Variants in LUC7L2 observed in about 807,000 individuals in gnomAD.
LUC7L2 encodes the protein LUC7 like 2, pre-mRNA splicing factor, also known as putative RNA-binding protein Luc7-like 2.
LUC7L2 carries 25 observed loss-of-function variants against 52.8 expected under a neutral mutation model. The ratio of observed to expected loss-of-function variants is 0.47; its 90% confidence interval spans 0.34 to 0.66. LUC7L2 has a LOEUF of 0.66. LUC7L2 is among the 30% of genes least tolerant of loss of function. The probability of loss-of-function intolerance (pLI) is 0.01; values close to 1 mark genes in which losing one functional copy is unlikely to be tolerated. For missense variants in LUC7L2, 328 were observed against 497.8 expected (o/e 0.66, Z 3.25); for synonymous variants, 144 against 160.9 (o/e 0.89, Z 0.80).
chr7:139,374,664 G>T, intron 1 of LUC7L2: 1 of 1,335,934 alleles, frequency 7.5e-7, no homozygotes, highest in Non-Finnish European at 9.6e-7. Context: ...GAACTGCTCT[G>T]AAGCTATCAT....
intron 2 of LUC7L2, among the ~76,000 whole-genome samples, chr7:139,391,766 TG>T (rs1184107579): frequency 3.3e-5 from 5 of 152,132 alleles, no homozygotes; most frequent in Non-Finnish European, 5.9e-5. Context: ...TTTATATTTT[TG>T]GTAGAGACGG....
Position 139,398,696 on chromosome 7 carries a change from A to G in LUC7L2, c.254A>G (p.Asp85Gly). 1 of 1,609,348 alleles carries G rather than the reference A, an allele frequency of 6.2e-7. No homozygotes were observed. Among genetic ancestry groups the G allele is most frequent in the Admixed American group, 1.7e-5 (1 of 58,830 alleles). ...GAACAAGATTTTTTCTTTGAACTTG[A>G]TGTATGTGATTTTGCTTTAATGGTT... ...SKEQDFFFELDAMDHLQSFIA... is the reference protein window; with the variant it reads ...SKEQDFFFELGAMDHLQSFIA... Residue 85 changes from aspartate (D) to glycine (G), a missense_variant and splice_region_variant, in exon 3 of 10, where the codon GAT becomes GGT. Physicochemically the swap from Asp to Gly is moderately conservative, Grantham distance 94. Around this residue, in one of 2 missense-constraint regions of LUC7L2, gnomAD observed 133 missense variants for 274.4 expected, o/e 0.48. Coordinates refer to ENST00000354926, the MANE Select transcript of LUC7L2 (RefSeq NM_016019.5).
intron 1 of LUC7L2, among the ~76,000 whole-genome samples, chr7:139,352,964 G>A (rs1198961107): frequency 6.6e-6 from 1 of 152,204 alleles, no homozygotes; most frequent in Non-Finnish European, 1.5e-5. Context: ...TTGGGAGGCT[G>A]AGGCAGGCAG....
chr7:139,396,408 A>G (rs993942615), intron 2 of LUC7L2, among the ~76,000 whole-genome samples: 4 of 152,098 alleles, frequency 2.6e-5, no homozygotes, highest in Non-Finnish European at 5.9e-5. Flanking sequence ...ATGCCACTAC[A>G]CTCCAGCCTA....
chr7:139,418,483 C>G (rs755531935), intron 9 of LUC7L2, among the ~76,000 whole-genome samples: 19 of 152,200 alleles, frequency 1.2e-4, no homozygotes, highest in Admixed American at 3.3e-4. Flanking sequence ...GACAACTATT[C>G]AGAAGTATAT....
chr7:139,417,462 T>C, intron 8 of LUC7L2, 76 bp from the exon 9 acceptor site: 1 of 1,528,854 alleles, frequency 6.5e-7, no homozygotes, highest in Non-Finnish European at 8.8e-7. Context: ...AAAGTTTCTC[T>C]TTAAAGAAAA....
intron 9 of LUC7L2, 145 bp downstream of exon 9, chr7:139,417,874 TACA>T (rs1380139364): frequency 5.9e-6 from 7 of 1,184,640 alleles, no homozygotes; most frequent in East Asian, 2.6e-5. Context: ...TGTGTGGGTG[TACA>T]ACATTTTTCT....
At chr7:139,421,646 G>T (rs1795909693) in intron 9 of LUC7L2, among the ~76,000 whole-genome samples, 1 of 152,276 alleles carries the variant, frequency 6.6e-6, no homozygotes, top group East Asian at 1.9e-4. Context: ...GTCAGGTGTT[G>T]GCAAACTGTT....
chr7:139,345,426 CTTAT>C, intron 1 of LUC7L2: 2 of 1,575,380 alleles, frequency 1.3e-6, no homozygotes, highest in Admixed American at 1.8e-5. Flanking sequence ...CTAGTGAATG[CTTAT>C]TTATTAAATC....
intron 4 of LUC7L2, among the ~76,000 whole-genome samples, chr7:139,403,829 A>G (rs1795013609): frequency 6.6e-6 from 1 of 152,208 alleles, no homozygotes; most frequent in Non-Finnish European, 1.5e-5. Flanking sequence ...AGCCATGCCC[A>G]GCAGGCTAGC....
intron 1 of LUC7L2, chr7:139,341,576 G>C: frequency 6.3e-7 from 1 of 1,591,590 alleles, no homozygotes; most frequent in Non-Finnish European, 8.6e-7. Flanking sequence ...GGAAGAGCCG[G>C]GTCTGGGCTA....
At chr7:139,375,057 A>G in intron 1 of LUC7L2, 2 of 983,858 alleles carry the variant, frequency 2.0e-6, no homozygotes, top group Non-Finnish European at 2.4e-6. Context: ...TAAGGCTAAA[A>G]TAAAACACCT....
chr7:139,344,695 CTTTTTT>C (rs1026301999), intron 1 of LUC7L2, among the ~76,000 whole-genome samples: 5 of 116,360 alleles, frequency 4.3e-5, no homozygotes, highest in Non-Finnish European at 7.0e-5. Context: ...AATTTTCTTT[CTTTTTT>C]TTTTTTTTTT....
upstream of LUC7L2, among the ~76,000 whole-genome samples, chr7:139,355,337 T>G (rs1799576003): frequency 6.6e-6 from 1 of 151,808 alleles, no homozygotes; most frequent in Non-Finnish European, 1.5e-5. Flanking sequence ...AGGGCTTATA[T>G]TATTTCTATA....
Position 139,422,653 on chromosome 7 carries a change from C to T in LUC7L2, c.*313C>T, listed in dbSNP as rs752571683. Reference sequence around the variant, plus strand: ...GTTACTTGCCTTGGGATTTTTTGAACGTTTGTAAAATGCTGTCTTCCTAGT... The same window carrying T: ...GTTACTTGCCTTGGGATTTTTTGAATGTTTGTAAAATGCTGTCTTCCTAGT... On this transcript the variant is annotated 3_prime_UTR_variant, in exon 10 of 10. Coordinates refer to ENST00000354926, the MANE Select transcript of LUC7L2 (RefSeq NM_016019.5). 4.4e-5 allele frequency: 21 copies of T among 474,142 alleles called. No individual in the cohort carries two copies. The highest frequency in any genetic ancestry group is 6.8e-5 in the Non-Finnish European group (20 of 293,872). 29.4% of individuals were successfully genotyped at this position (474,142 alleles called of 1,614,324 possible). A position where few individuals can be genotyped will look rare whatever the true frequency, so the allele number is the denominator to read the frequency against.
upstream of LUC7L2, chr7:139,359,216 T>G (rs1050140630): frequency 6.6e-6 from 1 of 152,230 alleles, no homozygotes; most frequent in African/African-American, 2.4e-5. Flanking sequence ...GCCTCCCCAG[T>G]AGCTGAGAAT....
chr7:139,368,356 A>T (rs751509710), intron 1 of LUC7L2, among the ~76,000 whole-genome samples: 1 of 152,226 alleles, frequency 6.6e-6, no homozygotes, highest in Non-Finnish European at 1.5e-5. Context: ...GTCTGCATTT[A>T]AAAAAATGTT....
rs556559014 is a variant in LUC7L2 at position 139,350,962 on chromosome 7, C to T, written c.-26+10445C>T. Among the ~76,000 whole-genome samples the T allele has an allele frequency of 4.8e-4, 73 of 152,326 alleles. 1 individual carries two copies. The highest frequency in any genetic ancestry group is 9.1e-4 in the Non-Finnish European group (62 of 68,032). ...GTGCTGAGATTACAGGTGTGAGCCA[C>T]TGCGCCTGGCCCACATTCTTCTGTT... is the stretch of plus-strand genomic sequence containing the variant. On this transcript the variant is annotated intron_variant, in intron 1 of 10. Coordinates refer to the LUC7L2 transcript ENST00000541170.
chr7:139,359,384 C>T (rs911610883), upstream of LUC7L2: 5 of 160,424 alleles, frequency 3.1e-5, no homozygotes, highest in African/African-American at 1.2e-4. Flanking sequence ...CTTAAAGCCC[C>T]ACGCAGCGGA....
Sources: gnomAD v4.1 joint callset for allele counts (sites outside exome capture counted in the v4.1 genomes callset) on GRCh38, gnomAD v4.1.1 for gene constraint, gnomAD v4.1.1 regional missense constraint, MANE v1.5 for transcripts, NCBI Gene and HGNC (gene_info 2026-07-23, HGNC 2026-07-21) for gene names.